GCFC2: variants seen among roughly 807,000 people sequenced by gnomAD.
GCFC2 encodes intron Large complex component GCFC2.
In GCFC2, 102 loss-of-function variants were observed where a neutral mutation model predicts 99.4. The ratio of observed to expected loss-of-function variants is 1.03; its 90% CI spans 0.87 to 1.21. The LOEUF (loss-of-function observed/expected upper bound fraction) is 1.21, where lower values mean the gene tolerates loss of function less well. GCFC2 is among the 50% of genes most tolerant of loss of function. GCFC2 has a pLI of 0.00. For missense variants in GCFC2, 973 were observed against 920.9 expected (o/e 1.06, Z -0.73); for synonymous variants, 338 against 316.8 (o/e 1.07, Z -0.71).
chr2:75,689,691 T>C (rs568761616), intron 9 of GCFC2, among the ~76,000 whole-genome samples: 4 of 152,260 alleles, frequency 2.6e-5, no homozygotes, highest in South Asian at 2.1e-4. Flanking sequence ...ATAGAAAGTA[T>C]GTGTGGTAAA....
intron 1 of GCFC2, chr2:75,710,390 A>G: frequency 7.8e-7 from 1 of 1,288,026 alleles, no homozygotes; most frequent in Non-Finnish European, 1.0e-6. Context: ...CAAGGAGTCC[A>G]AAAGGCAGAT....
chr2:75,671,522 CCTT>C (rs1236723841), intron 14 of GCFC2, among the ~76,000 whole-genome samples: 3 of 152,334 alleles, frequency 2.0e-5, no homozygotes, highest in South Asian at 2.1e-4. Flanking sequence ...ACCTTCTTCT[CCTT>C]CTCATCCCTA....
chr2:75,680,162 T>C, intron 12 of GCFC2, 31 bp downstream of exon 12: 1 of 1,507,958 alleles, frequency 6.6e-7, no homozygotes, highest in Middle Eastern at 1.7e-4. Context: ...TAGAGATAGA[T>C]CATGGAGTTC....
intron 12 of GCFC2, among the ~76,000 whole-genome samples, chr2:75,679,490 A>G (rs1196628637): frequency 6.6e-6 from 1 of 152,208 alleles, no homozygotes; most frequent in Non-Finnish European, 1.5e-5. Context: ...ATCACTCTAA[A>G]AAGTTCCCCA....
upstream of GCFC2, among the ~76,000 whole-genome samples, chr2:75,712,093 A>G (rs1460180732): frequency 3.3e-5 from 5 of 152,152 alleles, no homozygotes; most frequent in East Asian, 9.7e-4. Context: ...TTGTAAATAC[A>G]CCAATCAGCA....
At chr2:75,692,143 T>A in intron 6 of GCFC2, 43 bp from the exon 7 acceptor site, 2 of 644,228 alleles carry the variant, frequency 3.1e-6, no homozygotes, top group Non-Finnish European at 2.2e-6. Context: ...TCATCGATAA[T>A]GAAATATATA....
At position 75,685,040 on chromosome 2, in the gene GCFC2, T is replaced by G. The variant is rs557417445; in HGVS notation, c.1690+2787A>C. 2.6e-5 allele frequency among the ~76,000 whole-genome samples: 4 copies of G among 152,142 alleles called. No homozygotes were observed. In the South Asian group the frequency reaches 8.3e-4, roughly 32 times the overall value. ...GAACACATGGACAGGGAGCGGAACA[T>G]CACACACCGGGGCCTTTTGGGGGTC... On this transcript the variant is annotated intron_variant, in intron 11 of 16. Transcript: ENST00000321027.
At chr2:75,679,576 T>G (rs1679480906) in intron 12 of GCFC2, among the ~76,000 whole-genome samples, 1 of 152,224 alleles carries the variant, frequency 6.6e-6, no homozygotes, top group African/African-American at 2.4e-5. Flanking sequence ...TTTGAATCCT[T>G]AAAGAGACTA....
chr2:75,670,387 AT>A, intron 14 of GCFC2, 103 bp from the exon 15 acceptor site: 2 of 724,234 alleles, frequency 2.8e-6, no homozygotes, highest in Non-Finnish European at 4.7e-6. Context: ...TCTCACTACA[AT>A]TAGCCCTGTT....
At chr2:75,684,299 C>G (rs776469036) in intron 11 of GCFC2, among the ~76,000 whole-genome samples, 2 of 152,206 alleles carry the variant, frequency 1.3e-5, no homozygotes, top group Non-Finnish European at 2.9e-5. Context: ...ACAGTACAAT[C>G]AAATTAGAAC....
chr2:75,679,979 A>C (rs556096338), intron 12 of GCFC2: 1 of 473,156 alleles, frequency 2.1e-6, no homozygotes, highest in South Asian at 5.3e-5. Flanking sequence ...ATTATTATAA[A>C]GATAAAAAAT....
At chr2:75,676,586 C>T (rs1679349781) in intron 12 of GCFC2, among the ~76,000 whole-genome samples, 1 of 151,946 alleles carries the variant, frequency 6.6e-6, no homozygotes, top group South Asian at 2.1e-4. Flanking sequence ...GGTATTATCA[C>T]CAAATATGCC....
intron 2 of GCFC2, among the ~76,000 whole-genome samples, chr2:75,704,935 C>T (rs1403674939): frequency 6.6e-6 from 1 of 152,214 alleles, no homozygotes; most frequent in South Asian, 2.1e-4. Flanking sequence ...CTCGGCCTCC[C>T]AAACTGCAGA....
At chr2:75,711,052 C>T (rs542700814), upstream of GCFC2, 7 of 1,321,246 alleles carry the variant, frequency 5.3e-6, no homozygotes, top group Non-Finnish European at 6.7e-6. Flanking sequence ...GAGTTCTGTT[C>T]TGGGGCCTGA....
chr2:75,702,103 A>C, intron 3 of GCFC2, 96 bp downstream of exon 3: 1 of 1,514,518 alleles, frequency 6.6e-7, no homozygotes, highest in African/African-American at 1.4e-5. Context: ...CAACACTATA[A>C]AATGTGAGCC....
chr2:75,690,912 G>C (rs1018162526), intron 7 of GCFC2, 193 bp from the exon 8 acceptor site: 2 of 444,226 alleles, frequency 4.5e-6, no homozygotes, highest in African/African-American at 4.1e-5. Flanking sequence ...ACAGGCATGA[G>C]GTTCATTAGC....
At chr2:75,690,221 T>A (rs1159735840) in intron 8 of GCFC2, 140 bp from the exon 9 acceptor site, 1 of 611,624 alleles carries the variant, frequency 1.6e-6, no homozygotes, top group Non-Finnish European at 2.9e-6. Context: ...TACTATCATA[T>A]CAGCGCACAA....
chr2:75,685,422 T>C (rs1324599001), intron 11 of GCFC2, among the ~76,000 whole-genome samples: 1 of 152,134 alleles, frequency 6.6e-6, no homozygotes, highest in East Asian at 1.9e-4. Context: ...GACATTCACA[T>C]AGCAAACTCC....
intron 16 of GCFC2, among the ~76,000 whole-genome samples, chr2:75,665,101 T>C (rs1210465358): frequency 1.3e-5 from 2 of 152,028 alleles, no homozygotes; most frequent in Non-Finnish European, 2.9e-5. Flanking sequence ...GTGGAAGCAA[T>C]GGTGGGAGTA....
Sources: allele counts gnomAD v4.1 joint callset (sites outside exome capture counted in the v4.1 genomes callset), GRCh38; gene constraint gnomAD v4.1.1; transcripts MANE v1.5; gene names NCBI Gene and HGNC (gene_info 2026-07-23, HGNC 2026-07-21).